Variants in RIMS3 observed in about 807,000 individuals in gnomAD.
The protein encoded by RIMS3 is regulating synaptic membrane exocytosis protein 3.
RIMS3 carries 15 observed loss-of-function variants against 29.2 expected under a neutral mutation model. The observed-to-expected ratio is 0.51, with a 90% CI of 0.34 to 0.79. The LOEUF (loss-of-function observed/expected upper bound fraction) is 0.79, where lower values mean the gene tolerates loss of function less well. Ranked by LOEUF, RIMS3 falls within the 30% of genes least tolerant of loss-of-function variation. RIMS3 has a pLI of 0.01. For synonymous variants in RIMS3, 161 were observed against 170.1 expected, an observed-to-expected ratio of 0.95 and a Z score of 0.41; for missense variants, 342 against 421.4, an observed-to-expected ratio of 0.81 and a Z score of 1.65.
the RIMS3 span, among the ~76,000 whole-genome samples, chr1:40,683,312 A>AACACTTGAGAG: frequency 4.6e-5 from 7 of 152,154 alleles, no homozygotes; most frequent in African/African-American, 1.7e-4. Flanking sequence ...AACGTTGAGA[A>AACACTTGAGAG]GTGGAACACT....
At position 40,631,790 on chromosome 1, in the gene RIMS3, G is replaced by A. The variant is rs186094746; in HGVS notation, c.472+1279C>T. Among the ~76,000 whole-genome samples the A allele has an allele frequency of 8.9e-4, 135 of 152,212 alleles. 1 individual carries two copies. The East Asian group carries it at 0.019, about 22-fold the overall frequency. On this transcript the variant is annotated intron_variant, in intron 5 of 7. Coordinates refer to ENST00000372684, the MANE Select transcript of RIMS3 (RefSeq NM_014747.3). ...GTTCCAGACTAGCCTGGCCAATACA[G>A]TGAAACCCCGTCTCTACTACAAATA...
chr1:40,689,407 G>A, the RIMS3 span, among the ~76,000 whole-genome samples: 4 of 152,078 alleles, frequency 2.6e-5, no homozygotes, highest in Admixed American at 6.5e-5. Flanking sequence ...TCAGCCTCCC[G>A]AGTAGCTGGG....
chr1:40,680,277 C>T, the RIMS3 span, among the ~76,000 whole-genome samples: 7 of 151,206 alleles, frequency 4.6e-5, no homozygotes. Flanking sequence ...CCCATTGTCA[C>T]ATCCTAGATA....
At chr1:40,656,411 G>A (rs1642273805) in intron 1 of RIMS3, among the ~76,000 whole-genome samples, 1 of 152,142 alleles carries the variant, frequency 6.6e-6, no homozygotes, top group Non-Finnish European at 1.5e-5. Flanking sequence ...GCTATATGGA[G>A]TTGCCAGGCA....
intron 3 of RIMS3, among the ~76,000 whole-genome samples, chr1:40,640,680 G>C (rs1315599435): frequency 6.6e-6 from 1 of 152,238 alleles, no homozygotes; most frequent in Non-Finnish European, 1.5e-5. Flanking sequence ...GGGAGGGCTG[G>C]CTCCTCTGTG....
At chr1:40,662,707 T>C (rs1184790151) in intron 1 of RIMS3, among the ~76,000 whole-genome samples, 1 of 152,198 alleles carries the variant, frequency 6.6e-6, no homozygotes, top group Non-Finnish European at 1.5e-5. Context: ...TCATACAGTA[T>C]GCACCCTCCC....
upstream of RIMS3, among the ~76,000 whole-genome samples, chr1:40,670,574 T>TTATTTATATATATATATATATATA (rs1553146614): frequency 1.3e-4 from 9 of 71,184 alleles, no homozygotes; most frequent in Non-Finnish European, 1.7e-4. Context: ...AGTTATAATT[T>TTATTTATATATATATATATATATA]TATATATATA....
At chr1:40,639,120 G>A (rs549894371) in intron 3 of RIMS3, among the ~76,000 whole-genome samples, 1 of 152,322 alleles carries the variant, frequency 6.6e-6, no homozygotes, top group African/African-American at 2.4e-5. Context: ...CCAGGAGGAA[G>A]GAGGCCCTGG....
the RIMS3 span, among the ~76,000 whole-genome samples, chr1:40,684,131 T>G: frequency 6.6e-6 from 1 of 152,240 alleles, no homozygotes; most frequent in African/African-American, 2.4e-5. Flanking sequence ...ATTTTTTGAA[T>G]GGAGGCAACT....
In RIMS3 at chr1:40,654,466, T is replaced by C. The variant is rs536961839; in HGVS notation, c.-206-6624A>G. On this transcript the variant is annotated intron_variant, in intron 1 of 7. Transcript: ENST00000372684. The surrounding 1 kb of genome is among the most constrained non-coding windows in gnomAD (Gnocchi z 5.3). ...ACGCGCCACAGAGCGAGATGCACGC[T>C]GTACAAAGAAGATGACGTACACAAA... Among the ~76,000 whole-genome samples the C allele has an allele frequency of 2.0e-4, 30 of 152,184 alleles. No individual in the cohort carries two copies. Among genetic ancestry groups the C allele is most frequent in the African/African-American group, 7.2e-4 (30 of 41,510 alleles).
chr1:40,646,864 G>A (rs1027566795), intron 2 of RIMS3, among the ~76,000 whole-genome samples: 13 of 149,334 alleles, frequency 8.7e-5, no homozygotes, highest in African/African-American at 3.0e-4. Context: ...CCCTTTAACC[G>A]TGGGTCTAAC....
intron 1 of RIMS3, among the ~76,000 whole-genome samples, chr1:40,664,444 C>G (rs971503306): frequency 1.3e-5 from 2 of 152,182 alleles, no homozygotes; most frequent in Non-Finnish European, 2.9e-5. Context: ...GGAACCCAGA[C>G]TTAAGAAGTC....
intron 1 of RIMS3, among the ~76,000 whole-genome samples, chr1:40,664,530 T>C (rs1312740636): frequency 6.6e-6 from 1 of 151,988 alleles, no homozygotes; most frequent in East Asian, 1.9e-4. Flanking sequence ...GGGGCTAGGG[T>C]TGGACACATA....
intron 1 of RIMS3, among the ~76,000 whole-genome samples, chr1:40,660,152 G>A (rs115083567): frequency 1.4e-4 from 21 of 152,250 alleles, no homozygotes; most frequent in African/African-American, 5.1e-4. Flanking sequence ...CTGAGGACTG[G>A]TTATAGGGGT....
chr1:40,643,019 C>T (rs529646030), intron 2 of RIMS3, among the ~76,000 whole-genome samples: 5 of 152,152 alleles, frequency 3.3e-5, no homozygotes, highest in African/African-American at 1.2e-4. Context: ...TGTATGCTAC[C>T]GTGATATTCC....
intron 7 of RIMS3, among the ~76,000 whole-genome samples, chr1:40,628,418 C>T (rs1333237480): frequency 2.6e-5 from 4 of 152,304 alleles, no homozygotes; most frequent in South Asian, 4.1e-4. Context: ...ACTCGGTTTC[C>T]GTAAAGTGAA....
chr1:40,627,274 G>A (rs1646460110), intron 7 of RIMS3, among the ~76,000 whole-genome samples: 1 of 152,184 alleles, frequency 6.6e-6, no homozygotes. Flanking sequence ...TGTTGCCCAG[G>A]CTGGAGTGCA....
chr1:40,651,082 T>A (rs1226255446), intron 1 of RIMS3, among the ~76,000 whole-genome samples: 1 of 152,112 alleles, frequency 6.6e-6, no homozygotes, highest in Non-Finnish European at 1.5e-5. Flanking sequence ...CATAACTCCC[T>A]TTGTACTGTC....
chr1:40,622,189 T>G lies in RIMS3; in HGVS notation c.*4328A>C, dbSNP rs1480356315. 6.6e-6 allele frequency: 1 copy of G among 152,582 alleles called. No homozygotes were observed. Among genetic ancestry groups the G allele is most frequent in the East Asian group, 1.9e-4 (1 of 5,184 alleles). The allele number at this position is 152,582 out of a possible 1,614,324, so 9.5% of individuals were successfully genotyped here. On this transcript the variant is annotated 3_prime_UTR_variant, in exon 8 of 8. Coordinates refer to ENST00000372684, the MANE Select transcript of RIMS3 (RefSeq NM_014747.3). Reference sequence around the variant, plus strand: ...CGTTTGTGCAACTCAGCCATCAGAGTTGGTGCCCAAGGAGGCCAAGTTGCT... The same window carrying G: ...CGTTTGTGCAACTCAGCCATCAGAGGTGGTGCCCAAGGAGGCCAAGTTGCT...
Sources: gnomAD v4.1 joint callset for allele counts (sites outside exome capture counted in the v4.1 genomes callset) on GRCh38, gnomAD v4.1.1 for gene constraint, Gnocchi (gnomAD v3.1) non-coding constraint, MANE v1.5 for transcripts, NCBI Gene and HGNC (gene_info 2026-07-23, HGNC 2026-07-21) for gene names.